Variants in OR10J1 observed in about 807,000 individuals in gnomAD.
OR10J1 encodes olfactory receptor family 10 subfamily J member 1, also known as olfactory receptor 10J1.
For synonymous variants in OR10J1, 202 were observed against 143.8 expected (o/e 1.40, Z -2.89); for missense variants, 474 against 376.6 (o/e 1.26, Z -2.14).
chr1:159,399,056 A>T, the OR10J1 span, among the ~76,000 whole-genome samples: 10 of 152,248 alleles, frequency 6.6e-5, no homozygotes, highest in African/African-American at 2.4e-4. Flanking sequence ...AAAAACAAAT[A>T]ACATACAATT....
chr1:159,421,928 A>G, the OR10J1 span, among the ~76,000 whole-genome samples: 1 of 152,044 alleles, frequency 6.6e-6, no homozygotes, highest in East Asian at 1.9e-4. Context: ...GTTCTTAAGC[A>G]CCTGGGCGTC....
chr1:159,415,731 A>T, the OR10J1 span, among the ~76,000 whole-genome samples: 1 of 152,020 alleles, frequency 6.6e-6, no homozygotes, highest in African/African-American at 2.4e-5. Context: ...CACTTTTAGT[A>T]ATATGTTAAT....
chr1:159,412,726 T>G, the OR10J1 span, among the ~76,000 whole-genome samples: 3 of 151,946 alleles, frequency 2.0e-5, no homozygotes, highest in Non-Finnish European at 4.4e-5. Context: ...CCTAAAACCA[T>G]AAAAACCCTA....
the OR10J1 span, among the ~76,000 whole-genome samples, chr1:159,427,039 G>A: frequency 4.0e-5 from 6 of 151,872 alleles, no homozygotes; most frequent in Non-Finnish European, 1.5e-5. Context: ...GTGAGTGGCA[G>A]AGAGAGACAA....
chr1:159,434,969 G>T (rs1251507056), upstream of OR10J1, among the ~76,000 whole-genome samples: 2 of 152,100 alleles, frequency 1.3e-5, no homozygotes, highest in Non-Finnish European at 2.9e-5. Flanking sequence ...TACCTAGGAG[G>T]TCTTGACTTT....
chr1:159,423,753 A>G, the OR10J1 span, among the ~76,000 whole-genome samples: 1 of 152,216 alleles, frequency 6.6e-6, no homozygotes, highest in African/African-American at 2.4e-5. Context: ...CATTAAAGGA[A>G]TTCTTCCTAG....
the OR10J1 span, among the ~76,000 whole-genome samples, chr1:159,415,544 G>A: frequency 1.3e-5 from 2 of 151,934 alleles, no homozygotes; most frequent in East Asian, 3.8e-4. Context: ...GATTGCTTTG[G>A]CTATTCAAGC....
the OR10J1 span, among the ~76,000 whole-genome samples, chr1:159,404,120 G>A: frequency 0.016 from 2,378 of 152,072 alleles, 65 homozygotes; most frequent in African/African-American, 0.049. Context: ...TATAGCTGGC[G>A]GCTTGAGGGG....
the OR10J1 span, among the ~76,000 whole-genome samples, chr1:159,399,947 T>C: frequency 6.6e-6 from 1 of 152,160 alleles, no homozygotes; most frequent in African/African-American, 2.4e-5. Flanking sequence ...TGTTAAGTTG[T>C]TATCAAGTTA....
chr1:159,429,112 T>G, the OR10J1 span, among the ~76,000 whole-genome samples: 15 of 152,270 alleles, frequency 9.9e-5, no homozygotes, highest in African/African-American at 3.6e-4. Flanking sequence ...GCTACAGAAA[T>G]TACTTCAGTA....
At chr1:159,428,356 C>G in the OR10J1 span, among the ~76,000 whole-genome samples, 1 of 152,110 alleles carries the variant, frequency 6.6e-6, no homozygotes, top group Non-Finnish European at 1.5e-5. Context: ...TTCAGATAAA[C>G]ACACAATAAA....
At chr1:159,418,544 CA>C in the OR10J1 span, among the ~76,000 whole-genome samples, 1 of 152,206 alleles carries the variant, frequency 6.6e-6, no homozygotes, top group Non-Finnish European at 1.5e-5. Context: ...CTAGATTTCA[CA>C]GGATGTACAG....
upstream of OR10J1, chr1:159,432,897 C>T (rs1655615731): frequency 4.7e-6 from 2 of 423,112 alleles, no homozygotes; most frequent in Admixed American, 4.0e-5. Flanking sequence ...ATTGCATCAG[C>T]TGAGGGCAGG....
At chr1:159,406,648 C>G in the OR10J1 span, among the ~76,000 whole-genome samples, 3 of 152,058 alleles carry the variant, frequency 2.0e-5, no homozygotes, top group African/African-American at 7.2e-5. Context: ...AACAGCTACC[C>G]TACTTGACCA....
upstream of OR10J1, among the ~76,000 whole-genome samples, chr1:159,439,334 G>T (rs1397944595): frequency 6.6e-6 from 1 of 152,176 alleles, no homozygotes; most frequent in Non-Finnish European, 1.5e-5. Flanking sequence ...GTATTATAAA[G>T]TTGCTAAGTG....
upstream of OR10J1, chr1:159,433,138 G>A: frequency 2.4e-6 from 1 of 413,868 alleles, no homozygotes; most frequent in Non-Finnish European, 4.3e-6. Context: ...CTCTCTCTTA[G>A]GTGCTGGTCA....
the OR10J1 span, among the ~76,000 whole-genome samples, chr1:159,408,565 T>C: frequency 6.6e-6 from 1 of 151,610 alleles, no homozygotes; most frequent in Non-Finnish European, 1.5e-5. Flanking sequence ...TGTATACATA[T>C]GTAACTAACC....
chr1:159,413,111 G>A, the OR10J1 span, among the ~76,000 whole-genome samples: 2 of 152,234 alleles, frequency 1.3e-5, no homozygotes, highest in South Asian at 4.1e-4. Context: ...CTGGCCATCA[G>A]AGAAATGCAA....
the OR10J1 span, among the ~76,000 whole-genome samples, chr1:159,416,479 G>T: frequency 1.3e-5 from 2 of 150,004 alleles, no homozygotes; most frequent in African/African-American, 2.4e-5. Flanking sequence ...TGTTGGTTTT[G>T]GTTTGCTAGT....
Sources: allele counts gnomAD v4.1 joint callset (sites outside exome capture counted in the v4.1 genomes callset), GRCh38; gene constraint gnomAD v4.1.1; transcripts MANE v1.5; gene names NCBI Gene and HGNC (gene_info 2026-07-23, HGNC 2026-07-21).